The following SLC24A2 variants were observed in gnomAD, a reference collection of about 807,000 sequenced individuals.
SLC24A2 encodes the protein sodium/potassium/calcium exchanger 2.
Under a neutral mutation model 62.0 loss-of-function variants are expected in SLC24A2, and 36 were observed. The ratio of observed to expected loss-of-function variants is 0.58; its 90% CI spans 0.44 to 0.77. The LOEUF (loss-of-function observed/expected upper bound fraction) is 0.77, where lower values mean the gene tolerates loss of function less well. Ranked by LOEUF, SLC24A2 falls within the 30% of genes least tolerant of loss-of-function variation. The probability of loss-of-function intolerance (pLI) is 0.00; values close to 1 mark genes in which losing one functional copy is unlikely to be tolerated. For missense variants in SLC24A2, 846 were observed against 817.9 expected (o/e 1.03, Z -0.42); for synonymous variants, 358 against 294.0 (o/e 1.22, Z -2.23).
chr9:20,068,434 G>A, the SLC24A2 span, among the ~76,000 whole-genome samples: 1 of 151,830 alleles, frequency 6.6e-6, no homozygotes, highest in African/African-American at 2.4e-5. Flanking sequence ...GAACCTCTTG[G>A]CTCTAAATCT....
At chr9:19,911,815 TGTCTAG>T in the SLC24A2 span, among the ~76,000 whole-genome samples, 1 of 152,146 alleles carries the variant, frequency 6.6e-6, no homozygotes, top group Non-Finnish European at 1.5e-5. Context: ...CGCTATCACT[TGTCTAG>T]ATCTTATCTC....
the SLC24A2 span, among the ~76,000 whole-genome samples, chr9:20,120,217 T>C: frequency 1.2e-4 from 18 of 152,326 alleles, no homozygotes; most frequent in East Asian, 2.5e-3. Flanking sequence ...GGTAAATGTA[T>C]CAGATTTTTA....
intron 2 of SLC24A2, among the ~76,000 whole-genome samples, chr9:19,765,394 A>G (rs1379721885): frequency 1.3e-5 from 2 of 152,096 alleles, no homozygotes; most frequent in Non-Finnish European, 2.9e-5. Context: ...CATAGTGCCG[A>G]TGGTCTTTAC....
chr9:19,981,738 G>A, the SLC24A2 span, among the ~76,000 whole-genome samples: 14 of 152,142 alleles, frequency 9.2e-5, no homozygotes, highest in African/African-American at 3.1e-4. Flanking sequence ...CTGGTGCCCA[G>A]GCTGAAAGGA....
chr9:19,573,529 C>CACACACACACACAG (rs1390433234), intron 6 of SLC24A2, 60 bp from the exon 7 acceptor site: 188 of 432,058 alleles, frequency 4.4e-4, no homozygotes, highest in South Asian at 5.8e-4. Context: ...CACACACACA[C>CACACACACACACAG]AGAGAGAGAG....
the SLC24A2 span, among the ~76,000 whole-genome samples, chr9:20,075,739 C>T: frequency 6.6e-6 from 1 of 152,182 alleles, no homozygotes; most frequent in Non-Finnish European, 1.5e-5. Context: ...CAAATATTCC[C>T]CTTTACTAGT....
the SLC24A2 span, among the ~76,000 whole-genome samples, chr9:19,865,434 C>T: frequency 4.6e-5 from 7 of 151,962 alleles, no homozygotes; most frequent in African/African-American, 1.7e-4. Context: ...TGTAGGAATC[C>T]CAGTACTTGA....
chr9:20,032,650 T>C, the SLC24A2 span, among the ~76,000 whole-genome samples: 5 of 152,300 alleles, frequency 3.3e-5, no homozygotes, highest in South Asian at 6.2e-4. Flanking sequence ...ACTTAGGTCA[T>C]TGAGTGCTCA....
the SLC24A2 span, among the ~76,000 whole-genome samples, chr9:20,304,992 T>A: frequency 5.2e-3 from 782 of 150,134 alleles, 10 homozygotes; most frequent in African/African-American, 0.018. Flanking sequence ...CTTAAATGAC[T>A]CCCCACTTCA....
chr9:19,633,600 C>T (rs140524429), intron 2 of SLC24A2, among the ~76,000 whole-genome samples: 175 of 152,218 alleles, frequency 1.1e-3, no homozygotes, highest in African/African-American at 3.9e-3. Context: ...TACTCCTGGG[C>T]TCAAGTAATG....
intron 8 of SLC24A2, among the ~76,000 whole-genome samples, chr9:19,532,389 C>G (rs918461114): frequency 2.0e-5 from 3 of 152,190 alleles, no homozygotes; most frequent in African/African-American, 7.2e-5. Flanking sequence ...AGATACCTCA[C>G]CTGACTCCCA....
chr9:19,661,795 G>T (rs1819109488), intron 2 of SLC24A2, among the ~76,000 whole-genome samples: 1 of 152,154 alleles, frequency 6.6e-6, no homozygotes, highest in South Asian at 2.1e-4. Context: ...TTCCATCGTT[G>T]CTGCCAATAA....
At chr9:19,625,740 G>A (rs1030045145) in intron 2 of SLC24A2, among the ~76,000 whole-genome samples, 32 of 147,668 alleles carry the variant, frequency 2.2e-4, no homozygotes, top group African/African-American at 8.0e-4. Context: ...AGGTTGGAGT[G>A]CAATGGCATG....
chr9:20,270,304 A>G, the SLC24A2 span, among the ~76,000 whole-genome samples: 1 of 152,146 alleles, frequency 6.6e-6, no homozygotes, highest in Non-Finnish European at 1.5e-5. Flanking sequence ...CTGCCCTTCC[A>G]TATCTCACAC....
chr9:19,985,095 T>G, the SLC24A2 span, among the ~76,000 whole-genome samples: 2 of 151,854 alleles, frequency 1.3e-5, no homozygotes, highest in Non-Finnish European at 2.9e-5. Context: ...ATATTGAGGA[T>G]TTAGAGCATC....
chr9:20,306,318 G>A, the SLC24A2 span, among the ~76,000 whole-genome samples: 2 of 151,924 alleles, frequency 1.3e-5, no homozygotes, highest in African/African-American at 2.4e-5. Context: ...TTTAACAATA[G>A]TGAACAACAA....
chr9:19,847,593 A>G, the SLC24A2 span, among the ~76,000 whole-genome samples: 1 of 152,208 alleles, frequency 6.6e-6, no homozygotes, highest in Admixed American at 6.5e-5. Context: ...AATAAAAATA[A>G]TAAATGCATT....
chr9:19,583,531 G>T (rs1321617922), intron 5 of SLC24A2, among the ~76,000 whole-genome samples: 1 of 152,184 alleles, frequency 6.6e-6, no homozygotes, highest in Non-Finnish European at 1.5e-5. Flanking sequence ...TCCAGTATCA[G>T]ATTGGGTGCA....
the SLC24A2 span, among the ~76,000 whole-genome samples, chr9:19,962,365 T>C: frequency 0.02 from 2,983 of 152,300 alleles, 117 homozygotes; most frequent in African/African-American, 0.066. Context: ...TGGTTCCATA[T>C]GAACTTTAAA....
Sources: gnomAD v4.1 joint callset for allele counts (sites outside exome capture counted in the v4.1 genomes callset) on GRCh38, gnomAD v4.1.1 for gene constraint, MANE v1.5 for transcripts, NCBI Gene and HGNC (gene_info 2026-07-23, HGNC 2026-07-21) for gene names.